Variants in GRM7 observed in about 807,000 individuals in gnomAD.
GRM7 encodes metabotropic glutamate receptor 7.
GRM7 carries 35 observed loss-of-function variants against 84.5 expected under a neutral mutation model. That is an observed-to-expected ratio of 0.41 (90% CI 0.32 to 0.55). GRM7 has a LOEUF of 0.55. GRM7 is among the 20% of genes least tolerant of loss of function. The pLI is 0.19. For missense variants in GRM7, 1,003 were observed against 1,194.6 expected (o/e 0.84, Z 2.36); for synonymous variants, 487 against 455.1 (o/e 1.07, Z -0.89).
chr3:7,662,255 GA>G (rs1406312154), intron 8 of GRM7, among the ~76,000 whole-genome samples: 21 of 152,164 alleles, frequency 1.4e-4, no homozygotes, highest in Admixed American at 1.0e-3. Context: ...AGGAGTGAGG[GA>G]GAAATACAAA....
intron 8 of GRM7, among the ~76,000 whole-genome samples, chr3:7,597,442 C>T (rs1266507488): frequency 9.2e-5 from 14 of 152,100 alleles, no homozygotes; most frequent in Non-Finnish European, 4.4e-5. Context: ...AATGTGGAAG[C>T]CATTCTTAGC....
chr3:7,217,880 A>G (rs989091473), intron 2 of GRM7, among the ~76,000 whole-genome samples: 6 of 151,174 alleles, frequency 4.0e-5, no homozygotes, highest in Admixed American at 1.3e-4. Context: ...TACATTTTAT[A>G]ATTTTGTGAT....
chr3:7,527,663 G>A (rs996015397), intron 7 of GRM7, among the ~76,000 whole-genome samples: 4 of 151,846 alleles, frequency 2.6e-5, no homozygotes, highest in Admixed American at 6.6e-5. Context: ...ATTGGCTATG[G>A]GTTTGTCATA....
At chr3:7,562,002 C>G (rs1694046305) in intron 7 of GRM7, among the ~76,000 whole-genome samples, 1 of 152,108 alleles carries the variant, frequency 6.6e-6, no homozygotes, top group African/African-American at 2.4e-5. Context: ...ATCCCCTGAA[C>G]TCGCAACTGA....
chr3:7,309,835 C>T (rs1211932601), intron 4 of GRM7, among the ~76,000 whole-genome samples: 1 of 152,090 alleles, frequency 6.6e-6, no homozygotes, highest in Non-Finnish European at 1.5e-5. Flanking sequence ...TGGCTGTGGT[C>T]CCGCTGCCTG....
intron 7 of GRM7, among the ~76,000 whole-genome samples, chr3:7,497,517 T>G (rs912560335): frequency 8.5e-5 from 13 of 152,204 alleles, no homozygotes; most frequent in Non-Finnish European, 1.6e-4. Flanking sequence ...TATTTATTTT[T>G]TCTCTCAGAT....
intron 9 of GRM7, among the ~76,000 whole-genome samples, chr3:7,737,445 T>C (rs73023796): frequency 0.06 from 9,170 of 152,274 alleles, 391 homozygotes; most frequent in Middle Eastern, 0.082. Context: ...AAAAAGTATA[T>C]TTCCTTAGCA....
chr3:7,347,566 G>T (rs1473140760), intron 4 of GRM7, among the ~76,000 whole-genome samples: 1 of 152,100 alleles, frequency 6.6e-6, no homozygotes, highest in African/African-American at 2.4e-5. Flanking sequence ...ACTCACTGAC[G>T]ACCACAGTAT....
chr3:7,294,473 C>T (rs892887977), intron 2 of GRM7, among the ~76,000 whole-genome samples: 1 of 151,924 alleles, frequency 6.6e-6, no homozygotes, highest in Non-Finnish European at 1.5e-5. Context: ...ATGTCTGTTG[C>T]TGGCTCTCTG....
intron 1 of GRM7, among the ~76,000 whole-genome samples, chr3:6,879,178 ATAAAT>A (rs5846473): frequency 0.13 from 19,626 of 152,146 alleles, 1,443 homozygotes; most frequent in African/African-American, 0.19. Flanking sequence ...CAATTTACAG[ATAAAT>A]TAATTTACCC....
intron 8 of GRM7, among the ~76,000 whole-genome samples, chr3:7,648,176 C>G (rs1402879951): frequency 2.0e-5 from 3 of 150,986 alleles, no homozygotes; most frequent in South Asian, 2.1e-4. Context: ...AAAAAAGATT[C>G]TGAGAAAGAA....
chr3:7,062,762 T>G (rs182296037), intron 1 of GRM7, among the ~76,000 whole-genome samples: 2 of 151,888 alleles, frequency 1.3e-5, no homozygotes, highest in East Asian at 3.9e-4. Flanking sequence ...CATTAGATGG[T>G]TGTCATCAAC....
At chr3:7,054,725 C>G (rs1012503128) in intron 1 of GRM7, among the ~76,000 whole-genome samples, 15 of 151,878 alleles carry the variant, frequency 9.9e-5, no homozygotes, top group African/African-American at 3.1e-4. Flanking sequence ...TCTCATCTCT[C>G]TCTCTCTTTC....
chr3:6,951,127 C>G (rs182455369), intron 1 of GRM7, among the ~76,000 whole-genome samples: 1 of 152,308 alleles, frequency 6.6e-6, no homozygotes, highest in Non-Finnish European at 1.5e-5. Flanking sequence ...CCATCTTCTG[C>G]GTCGCTCACA....
chr3:6,861,998 A>G lies in GRM7; in HGVS notation c.519+91A>G, dbSNP rs1018144667. On this transcript the variant is annotated intron_variant, in intron 1 of 9. Transcript: ENST00000357716. This position sits in a 1 kb window ranked among gnomAD's most constrained non-coding sequence, Gnocchi z 6.4. The stretch of plus-strand genomic sequence containing the variant: ...GGCTTGGACTCCGGTGGTGCGGGTC[A>G]GGTCAGCCTTCGCTCATTTCCTCCC... 9.1e-7 allele frequency: 1 copy of G among 1,096,970 alleles called. No individual in the cohort carries two copies. The highest frequency in any genetic ancestry group is 1.5e-5 in the South Asian group (1 of 64,768). The allele number at this position is 1,096,970 out of a possible 1,614,324, so 68.0% of individuals were successfully genotyped here.
chr3:7,112,013 A>T (rs1473768913), intron 1 of GRM7, among the ~76,000 whole-genome samples: 2 of 152,146 alleles, frequency 1.3e-5, no homozygotes, highest in Non-Finnish European at 2.9e-5. Context: ...AAAGGCAATA[A>T]TTGATGAAGT....
intron 1 of GRM7, among the ~76,000 whole-genome samples, chr3:6,901,604 T>TAAAAAAAAAAAAAAAAAAAAAAAA (rs33945077): frequency 4.9e-5 from 2 of 40,500 alleles, no homozygotes; most frequent in African/African-American, 1.9e-4. Context: ...AGACTCCGTC[T>TAAAAAAAAAAAAAAAAAAAAAAAA]AAAAAAAAAA....
intron 2 of GRM7, among the ~76,000 whole-genome samples, chr3:7,297,714 T>C (rs2125019949): frequency 6.6e-6 from 1 of 152,362 alleles, no homozygotes; most frequent in South Asian, 2.1e-4. Flanking sequence ...TACAAATATC[T>C]CCTAAACACA....
intron 1 of GRM7, among the ~76,000 whole-genome samples, chr3:7,114,352 A>G (rs1692959886): frequency 6.6e-6 from 1 of 152,212 alleles, no homozygotes; most frequent in South Asian, 2.1e-4. Context: ...TTTGTTAAAA[A>G]TAATAATCAT....
Sources: allele counts gnomAD v4.1 joint callset (sites outside exome capture counted in the v4.1 genomes callset), GRCh38; gene constraint gnomAD v4.1.1; non-coding constraint Gnocchi (gnomAD v3.1); transcripts MANE v1.5; gene names NCBI Gene and HGNC (gene_info 2026-07-23, HGNC 2026-07-21).